DLC1: variants seen among roughly 807,000 people sequenced by gnomAD.
DLC1 encodes the protein DLC1 Rho GTPase activating protein.
In DLC1, 54 loss-of-function variants were observed where a neutral mutation model predicts 140.3. The observed-to-expected ratio is 0.38, with a 90% CI of 0.31 to 0.48. The LOEUF is 0.48. Among genes scored for constraint, DLC1 ranks in the 20% least tolerant of loss-of-function variants. The pLI, the probability that DLC1 is intolerant of heterozygous loss-of-function variation, is 0.96. For missense variants in DLC1, 2,536 were observed against 1,907.0 expected (o/e 1.33, Z -6.14); for synonymous variants, 986 against 728.1 (o/e 1.35, Z -5.70).
In DLC1 at chr8:13,099,521, G is replaced by A. The variant is rs377706311; in HGVS notation, c.2816C>T (p.Ser939Leu). The A allele has an allele frequency of 3.1e-6, 5 of 1,614,056 alleles. No homozygotes were observed. The highest frequency in any genetic ancestry group is 1.1e-5 in the South Asian group (1 of 91,086). The part of the protein sequence containing the change: ...DEGDSDSALD[S>L]VSPCPSSPKQ... ...TGGAGAGGACGGGCAGGGAGAGACC[G>A]AGTCCAGGGCTGAGTCCGAATCTCC... Residue 939 changes from serine (S) to leucine (L), a missense_variant, in exon 9 of 18, where the codon TCG (serine) becomes TTG (leucine). Coordinates refer to ENST00000276297, the MANE Select transcript of DLC1 (RefSeq NM_182643.3).
chr8:13,377,894 T>G (rs1414683230), intron 4 of DLC1, among the ~76,000 whole-genome samples: 1 of 151,610 alleles, frequency 6.6e-6, no homozygotes, highest in Admixed American at 6.6e-5. Flanking sequence ...GATGGCAGCA[T>G]TCTGAAAGAA....
intron 2 of DLC1, among the ~76,000 whole-genome samples, chr8:13,417,832 G>A (rs1440750901): frequency 6.6e-6 from 1 of 152,016 alleles, no homozygotes; most frequent in Non-Finnish European, 1.5e-5. Context: ...CACCAACAGT[G>A]TAAAAGTGTT....
At chr8:13,222,532 C>T (rs2117163012) in intron 5 of DLC1, among the ~76,000 whole-genome samples, 1 of 152,230 alleles carries the variant, frequency 6.6e-6, no homozygotes, top group African/African-American at 2.4e-5. Flanking sequence ...GTCAGAAGTT[C>T]TCACATTCTG....
chr8:13,582,909 T>C (rs891489147), intron 1 of DLC1, among the ~76,000 whole-genome samples: 9 of 125,306 alleles, frequency 7.2e-5, no homozygotes, highest in Non-Finnish European at 1.0e-4. Flanking sequence ...TATATATATA[T>C]ATATATATAT....
intron 4 of DLC1, among the ~76,000 whole-genome samples, chr8:13,372,459 C>A (rs1160354726): frequency 6.6e-6 from 1 of 152,176 alleles, no homozygotes; most frequent in African/African-American, 2.4e-5. Flanking sequence ...AATGTCCAAA[C>A]AAATTCTTCT....
intron 4 of DLC1, among the ~76,000 whole-genome samples, chr8:13,312,387 A>AAAAAAAAAAAAAAAAAAAAC: frequency 1.4e-5 from 1 of 72,948 alleles, no homozygotes; most frequent in African/African-American, 5.3e-5. Context: ...AAAAAAAAAA[A>AAAAAAAAAAAAAAAAAAAAC]ATAATTTCTT....
Position 13,441,240 on chromosome 8 carries a change from A to C in DLC1, c.1024-39621T>G, listed in dbSNP as rs369502989. Among the ~76,000 whole-genome samples, 3 of 152,318 alleles carry C rather than the reference A, an allele frequency of 2.0e-5. No homozygotes were observed. The East Asian group carries it at 5.8e-4, about 29-fold the overall frequency. On this transcript the variant is annotated intron_variant, in intron 2 of 17. Coordinates refer to ENST00000276297, the MANE Select transcript of DLC1 (RefSeq NM_182643.3). ...AATAAGAGCTATCTATGACAAACCC[A>C]CAGCCAATATTATACTGCATGGGCA...
chr8:13,185,653 G>A (rs1209800001), intron 5 of DLC1, among the ~76,000 whole-genome samples: 1 of 152,078 alleles, frequency 6.6e-6, no homozygotes, highest in Non-Finnish European at 1.5e-5. Flanking sequence ...TACATTTAAG[G>A]TTAATATTGT....
chr8:13,146,214 G>A (rs566049310), intron 5 of DLC1, among the ~76,000 whole-genome samples: 45 of 151,036 alleles, frequency 3.0e-4, no homozygotes, highest in African/African-American at 6.1e-4. Context: ...GGTGGAGGCC[G>A]AAGTGAGACT....
In DLC1 at chr8:13,579,389, A is replaced by ATATATTATATATTTAATATATTATATTT. The variant is rs1563454188; in HGVS notation, c.-126+25120_-126+25147dup. Among the ~76,000 whole-genome samples, 48 of 22,964 alleles carry ATATATTATATATTTAATATATTATATTT rather than the reference A, an allele frequency of 2.1e-3. 9 individuals carry two copies. The highest frequency in any genetic ancestry group is 0.028 in the Middle Eastern group (1 of 36). The allele number at this position is 22,964 out of a possible 152,430, so 15.1% of individuals were successfully genotyped here. The stretch of plus-strand genomic sequence containing the variant: ...TTTATATAATACATATTTATATATT[A>ATATATTATATATTTAATATATTATATTT]TATATTATATATTTAATATATTATA... On this transcript the variant is annotated intron_variant, in intron 1 of 1. Coordinates refer to the DLC1 transcript ENST00000631382.
rs1041306777 is a variant in DLC1, at chr8:13,198,742, G to T, written c.1349-83085C>A. ...ATGGCTTTTTTTTTTTTTTGAAATGGAGTCTCGCTCTGTCACCCAGGCTGG... is the reference window on the plus strand; with the variant it reads ...ATGGCTTTTTTTTTTTTTTGAAATGTAGTCTCGCTCTGTCACCCAGGCTGG... On this transcript the variant is annotated intron_variant, in intron 5 of 17. Transcript: ENST00000276297. Among the ~76,000 whole-genome samples, 19 of 149,842 alleles carry T rather than the reference G, an allele frequency of 1.3e-4. No homozygotes were observed. In the South Asian group the frequency reaches 3.8e-3, roughly 30 times the overall value.
At chr8:13,119,301 T>G (rs1271922901) in intron 5 of DLC1, among the ~76,000 whole-genome samples, 1 of 151,036 alleles carries the variant, frequency 6.6e-6, no homozygotes, top group African/African-American at 2.4e-5. Flanking sequence ...GCATCCAACC[T>G]AATTGTTCAG....
intron 5 of DLC1, among the ~76,000 whole-genome samples, chr8:13,175,060 G>T (rs1825684374): frequency 6.6e-6 from 1 of 152,072 alleles, no homozygotes; most frequent in African/African-American, 2.4e-5. Context: ...AAAGGTAGGG[G>T]TCCATTCTTC....
At chr8:13,161,020 G>T (rs1003768338) in intron 5 of DLC1, among the ~76,000 whole-genome samples, 1 of 152,214 alleles carries the variant, frequency 6.6e-6, no homozygotes, top group African/African-American at 2.4e-5. Flanking sequence ...GGCAGAGCTT[G>T]CAGTGAGCCG....
At chr8:13,326,885 T>C (rs1180793273) in intron 4 of DLC1, among the ~76,000 whole-genome samples, 2 of 152,178 alleles carry the variant, frequency 1.3e-5, no homozygotes, top group African/African-American at 4.8e-5. Flanking sequence ...CTGTTGTGCA[T>C]ATGGCTGCAC....
intron 4 of DLC1, among the ~76,000 whole-genome samples, chr8:13,381,912 A>T (rs1836279072): frequency 6.6e-6 from 1 of 152,156 alleles, no homozygotes; most frequent in Admixed American, 6.6e-5. Flanking sequence ...GGAGACTTTG[A>T]GATTGGGAGG....
intron 4 of DLC1, among the ~76,000 whole-genome samples, chr8:13,342,945 G>A (rs181085531): frequency 2.6e-5 from 4 of 152,050 alleles, no homozygotes; most frequent in Admixed American, 2.6e-4. Context: ...AGCTGCAGTT[G>A]TTTGACTTCA....
intron 2 of DLC1, among the ~76,000 whole-genome samples, chr8:13,410,651 A>T (rs1169075381): frequency 7.4e-6 from 1 of 135,582 alleles, no homozygotes; most frequent in Non-Finnish European, 1.6e-5. Context: ...CAAGACCATT[A>T]TAAAAAAAAA....
chr8:13,139,384 G>A (rs928831297), intron 5 of DLC1, among the ~76,000 whole-genome samples: 2 of 147,600 alleles, frequency 1.4e-5, no homozygotes, highest in Non-Finnish European at 3.0e-5. Flanking sequence ...CTAATTTTCA[G>A]ATAATCTTTT....
Sources: gnomAD v4.1 joint callset for allele counts (sites outside exome capture counted in the v4.1 genomes callset) on GRCh38, gnomAD v4.1.1 for gene constraint, MANE v1.5 for transcripts, NCBI Gene and HGNC (gene_info 2026-07-23, HGNC 2026-07-21) for gene names.